Variants in DTNA observed in about 807,000 individuals in gnomAD.
DTNA encodes dystrobrevin alpha.
Under a neutral mutation model 100.7 loss-of-function variants are expected in DTNA, and 43 were observed. The observed-to-expected ratio is 0.43, with a 90% CI of 0.33 to 0.55. The LOEUF is 0.55. DTNA is among the 20% of genes least tolerant of loss of function. DTNA has a pLI of 0.04. For missense variants in DTNA, 798 were observed against 953.9 expected, an observed-to-expected ratio of 0.84 and a Z score of 2.15; for synonymous variants, 349 against 347.9, an observed-to-expected ratio of 1.00 and a Z score of -0.04.
At chr18:34,793,371 T>A (rs1448443013) in intron 3 of DTNA, among the ~76,000 whole-genome samples, 1 of 152,222 alleles carries the variant, frequency 6.6e-6, no homozygotes, top group Non-Finnish European at 1.5e-5. Flanking sequence ...CAGCTGGTAA[T>A]AATGTAGCCA....
chr18:34,819,743 T>TG (rs2095666827), intron 8 of DTNA, among the ~76,000 whole-genome samples: 1 of 152,068 alleles, frequency 6.6e-6, no homozygotes, highest in Non-Finnish European at 1.5e-5. Flanking sequence ...GAGCTGCTGT[T>TG]GCTGCTGTCT....
intron 1 of DTNA, among the ~76,000 whole-genome samples, chr18:34,512,468 C>T (rs866650964): frequency 6.6e-6 from 1 of 151,978 alleles, no homozygotes; most frequent in South Asian, 2.1e-4. Flanking sequence ...GTGAATGGCC[C>T]TCTCATCTAT....
intron 1 of DTNA, among the ~76,000 whole-genome samples, chr18:34,568,229 A>G (rs1162327221): frequency 6.6e-6 from 1 of 152,202 alleles, no homozygotes; most frequent in East Asian, 1.9e-4. Context: ...TATTCTGCCA[A>G]TAACTCAGCA....
intron 1 of DTNA, among the ~76,000 whole-genome samples, chr18:34,712,311 A>T (rs1216104156): frequency 6.6e-6 from 1 of 152,096 alleles, no homozygotes; most frequent in African/African-American, 2.4e-5. Flanking sequence ...TGGATGAGGG[A>T]AATTACTAAA....
chr18:34,526,369 T>C (rs560251590), intron 1 of DTNA, among the ~76,000 whole-genome samples: 7 of 152,278 alleles, frequency 4.6e-5, no homozygotes, highest in African/African-American at 1.7e-4. Flanking sequence ...TAGACCCACA[T>C]TGACTGATCT....
In DTNA at chr18:34,858,391, C is replaced by T. The variant is rs764498891; in HGVS notation, c.1639C>T (p.Leu547Phe). 1 of 1,614,144 alleles carries T rather than the reference C, an allele frequency of 6.2e-7. No homozygotes were observed. Among genetic ancestry groups the T allele is most frequent in the South Asian group, 1.1e-5 (1 of 91,088 alleles). Residue 547 changes from leucine to phenylalanine, a missense_variant, in exon 16 of 23, where the codon CTC (leucine) becomes TTC (phenylalanine). Leu to Phe is a conservative substitution (Grantham distance 22). Around this residue, in one of 6 missense-constraint regions of DTNA, gnomAD observed 26 missense variants for 55.0 expected, o/e 0.47. Transcript: ENST00000444659. ...CCCCACCCTGCTGGCAGAACTCCGG[C>T]TCCTCAGGTAGGAGAGAGCACCCAT... is the stretch of plus-strand genomic sequence containing the variant. Reference protein sequence around the residue: ...QNPTLLAELRLLRQRKDELEQ... With the variant: ...QNPTLLAELRFLRQRKDELEQ...
At chr18:34,516,842 A>G (rs896206725) in intron 1 of DTNA, among the ~76,000 whole-genome samples, 5 of 152,118 alleles carry the variant, frequency 3.3e-5, no homozygotes, top group African/African-American at 1.2e-4. Context: ...ATTTGTGCAG[A>G]TAACGCAATC....
chr18:34,881,076 G>A (rs1304164898), intron 20 of DTNA, among the ~76,000 whole-genome samples: 1 of 152,190 alleles, frequency 6.6e-6, no homozygotes, highest in East Asian at 1.9e-4. Context: ...AGTTAGGGAA[G>A]GAAAGTTAAC....
At chr18:34,791,907 T>C (rs1383493133) in intron 3 of DTNA, among the ~76,000 whole-genome samples, 1 of 152,202 alleles carries the variant, frequency 6.6e-6, no homozygotes. Flanking sequence ...AGACTCTAAG[T>C]CTTAGAGGTC....
chr18:34,724,136 T>C (rs560425631), intron 1 of DTNA, among the ~76,000 whole-genome samples: 1 of 152,340 alleles, frequency 6.6e-6, no homozygotes, highest in South Asian at 2.1e-4. Flanking sequence ...AATACAATCA[T>C]TCTGGAAAGC....
intron 3 of DTNA, among the ~76,000 whole-genome samples, chr18:34,777,485 T>G (rs2094119052): frequency 6.6e-6 from 1 of 152,212 alleles, no homozygotes; most frequent in African/African-American, 2.4e-5. Flanking sequence ...TCAGTATCCA[T>G]CCATTTTCAC....
intron 1 of DTNA, among the ~76,000 whole-genome samples, chr18:34,621,565 A>T (rs1413115800): frequency 1.3e-5 from 2 of 152,210 alleles, no homozygotes; most frequent in Admixed American, 1.3e-4. Flanking sequence ...TAAGTGAAAT[A>T]AGCCAGGCAC....
chr18:34,749,607 A>G (rs1165891039), intron 1 of DTNA, among the ~76,000 whole-genome samples: 1 of 151,010 alleles, frequency 6.6e-6, no homozygotes, highest in African/African-American at 2.4e-5. Flanking sequence ...GCTGGTCGCT[A>G]CACTAAAGTA....
At chr18:34,805,186 T>C (rs534552398) in intron 4 of DTNA, among the ~76,000 whole-genome samples, 1 of 152,250 alleles carries the variant, frequency 6.6e-6, no homozygotes, top group South Asian at 2.1e-4. Context: ...AGCTGGAAAA[T>C]CATTTAGCTG....
chr18:34,857,218 C>T (rs2066558067), intron 15 of DTNA, among the ~76,000 whole-genome samples: 1 of 152,216 alleles, frequency 6.6e-6, no homozygotes, highest in South Asian at 2.1e-4. Flanking sequence ...AATTACAGTT[C>T]CATCTTCTCA....
chr18:34,829,559 T>C, intron 11 of DTNA, 70 bp downstream of exon 11: 1 of 1,383,010 alleles, frequency 7.2e-7, no homozygotes, highest in Non-Finnish European at 9.5e-7. Context: ...GTCATTCTAC[T>C]CTGGCACTAA....
intron 1 of DTNA, among the ~76,000 whole-genome samples, chr18:34,746,437 C>T (rs781357154): frequency 3.9e-5 from 6 of 152,130 alleles, no homozygotes; most frequent in Non-Finnish European, 7.4e-5. Context: ...ATGTGAGGCT[C>T]AGCCATCATT....
chr18:34,568,263 C>A (rs1276661492), intron 1 of DTNA, among the ~76,000 whole-genome samples: 1 of 152,100 alleles, frequency 6.6e-6, no homozygotes, highest in African/African-American at 2.4e-5. Flanking sequence ...AACCACTCTA[C>A]ACCACTGTGT....
intron 4 of DTNA, among the ~76,000 whole-genome samples, chr18:34,794,680 G>T (rs1200473897): frequency 6.6e-6 from 1 of 152,086 alleles, no homozygotes; most frequent in Non-Finnish European, 1.5e-5. Flanking sequence ...AATTGAAAAG[G>T]GTTTCTTGAC....
Sources: allele counts gnomAD v4.1 joint callset (sites outside exome capture counted in the v4.1 genomes callset), GRCh38; gene constraint gnomAD v4.1.1; regional missense constraint gnomAD v4.1.1; transcripts MANE v1.5; gene names NCBI Gene and HGNC (gene_info 2026-07-23, HGNC 2026-07-21).